KCNG2: variants seen among roughly 807,000 people sequenced by gnomAD.
KCNG2 encodes the protein potassium voltage-gated channel modifier subfamily G member 2.
A neutral mutation model predicts 12.3 loss-of-function variants in KCNG2; 7 were observed. The ratio of observed to expected loss-of-function variants is 0.57; its 90% CI spans 0.32 to 1.07. KCNG2 has a LOEUF of 1.07. Among genes scored for constraint, KCNG2 ranks in the 50% least tolerant of loss-of-function variants. KCNG2 has a pLI of 0.04. For synonymous variants in KCNG2, 414 were observed against 351.4 expected (o/e 1.18, Z -1.99); for missense variants, 703 against 726.0 (o/e 0.97, Z 0.36).
At chr18:79,866,290 G>A (rs1383813855) in intron 3 of KCNG2, among the ~76,000 whole-genome samples, 34 of 138,468 alleles carry the variant, frequency 2.5e-4, no homozygotes, top group African/African-American at 6.0e-4. Flanking sequence ...GTGATGAGAG[G>A]TCTGTGTGCT....
intron 1 of KCNG2, among the ~76,000 whole-genome samples, chr18:79,810,767 A>G (rs1489171481): frequency 1.3e-5 from 2 of 152,216 alleles, no homozygotes; most frequent in Admixed American, 6.5e-5. Context: ...CTGTATAAAA[A>G]GACAAAACAA....
At chr18:79,830,638 A>G (rs1322574593) in intron 1 of KCNG2, among the ~76,000 whole-genome samples, 1 of 152,230 alleles carries the variant, frequency 6.6e-6, no homozygotes, top group Non-Finnish European at 1.5e-5. Context: ...CTCCCGAGTG[A>G]TGAGACCCCC....
chr18:79,863,213 G>A (rs1006220410), intron 2 of KCNG2, among the ~76,000 whole-genome samples: 2 of 152,220 alleles, frequency 1.3e-5, no homozygotes, highest in African/African-American at 2.4e-5. Flanking sequence ...GCTGGTCCGC[G>A]GGACACACCG....
intron 3 of KCNG2, among the ~76,000 whole-genome samples, chr18:79,868,118 G>T (rs565197085): frequency 4.6e-5 from 7 of 152,304 alleles, no homozygotes; most frequent in African/African-American, 1.7e-4. Context: ...AAATTCATTT[G>T]TGTCACGTTA....
chr18:79,830,705 C>T (rs667802), intron 1 of KCNG2, among the ~76,000 whole-genome samples: 85,918 of 124,278 alleles, frequency 0.69, 29,063 homozygotes, highest in East Asian at 0.87. Flanking sequence ...ACAGAGCCTT[C>T]GTCAGGAGGG....
intron 3 of KCNG2, among the ~76,000 whole-genome samples, chr18:79,867,847 C>T (rs571302453): frequency 6.6e-6 from 1 of 152,242 alleles, no homozygotes; most frequent in South Asian, 2.1e-4. Flanking sequence ...GGGCAGAGCA[C>T]CCACCGTCAG....
At chr18:79,807,462 C>T (rs1390032498) in intron 1 of KCNG2, among the ~76,000 whole-genome samples, 1 of 152,206 alleles carries the variant, frequency 6.6e-6, no homozygotes, top group African/African-American at 2.4e-5. Context: ...CTCAGCGGCG[C>T]GGACTGCTCT....
At chr18:79,841,776 C>A (rs986403941) in intron 1 of KCNG2, among the ~76,000 whole-genome samples, 1 of 152,160 alleles carries the variant, frequency 6.6e-6, no homozygotes, top group South Asian at 2.1e-4. Context: ...ACCATCCACA[C>A]ACAAAAATAC....
At chr18:79,852,940 C>A (rs1303778352) in intron 1 of KCNG2, among the ~76,000 whole-genome samples, 1 of 152,250 alleles carries the variant, frequency 6.6e-6, no homozygotes, top group East Asian at 1.9e-4. Context: ...TTTGGGGGTA[C>A]CTGTGTCAGT....
At chr18:79,861,271 CTCTTT>C (rs1184301562) in intron 2 of KCNG2, among the ~76,000 whole-genome samples, 1 of 119,250 alleles carries the variant, frequency 8.4e-6, no homozygotes, top group African/African-American at 2.9e-5. Context: ...TTCTCTCTCT[CTCTTT>C]TTTTTTTTTT....
intron 3 of KCNG2, among the ~76,000 whole-genome samples, chr18:79,889,620 T>C (rs1253495725): frequency 1.3e-5 from 2 of 152,250 alleles, no homozygotes; most frequent in Non-Finnish European, 2.9e-5. Flanking sequence ...CTAGTTTGAA[T>C]GGACGTTTTT....
intron 3 of KCNG2, among the ~76,000 whole-genome samples, chr18:79,870,232 G>A (rs994863794): frequency 5.9e-5 from 9 of 152,248 alleles, no homozygotes; most frequent in Admixed American, 1.3e-4. Context: ...ACGGGATCAC[G>A]AGCTTCAGCT....
At chr18:79,801,514 G>A (rs1484189670) in intron 1 of KCNG2, among the ~76,000 whole-genome samples, 5 of 152,238 alleles carry the variant, frequency 3.3e-5, no homozygotes, top group East Asian at 1.9e-4. Context: ...TGCTGGGCCC[G>A]GGAGCCCTCC....
chr18:79,892,971 T>C (rs1277609468), intron 3 of KCNG2, among the ~76,000 whole-genome samples: 1 of 152,158 alleles, frequency 6.6e-6, no homozygotes, highest in African/African-American at 2.4e-5. Context: ...ACGATTGATA[T>C]AGTTGGGTCT....
chr18:79,877,063 T>G (rs762037441), intron 3 of KCNG2, among the ~76,000 whole-genome samples: 6 of 152,266 alleles, frequency 3.9e-5, no homozygotes, highest in Non-Finnish European at 5.9e-5. Context: ...AGGCCTGTTG[T>G]GCTGTTTTGA....
At chr18:79,878,855 C>T (rs1980183958) in intron 3 of KCNG2, among the ~76,000 whole-genome samples, 2 of 152,220 alleles carry the variant, frequency 1.3e-5, no homozygotes, top group African/African-American at 2.4e-5. Context: ...TGGAAGGTGA[C>T]GGCTGTGTTG....
rs181051249 is a variant in KCNG2, at chr18:79,840,178, C to T, written c.-114-16201C>T. Among the ~76,000 whole-genome samples, 108 of 152,170 alleles carry T rather than the reference C, an allele frequency of 7.1e-4. 1 individual carries two copies. Among genetic ancestry groups the T allele is most frequent in the African/African-American group, 2.4e-3 (98 of 41,510 alleles). Reference sequence around the variant, plus strand: ...AGTTATAAAGGAAGAAATAAGACTGCCCCATTTGCAAATTACATGATTGTA... The same window carrying T: ...AGTTATAAAGGAAGAAATAAGACTGTCCCATTTGCAAATTACATGATTGTA... On this transcript the variant is annotated intron_variant, in intron 1 of 3. Transcript: ENST00000316249.
chr18:79,851,617 AGTGT>A (rs56055150), intron 1 of KCNG2, among the ~76,000 whole-genome samples: 45,498 of 151,612 alleles, frequency 0.3, 7,721 homozygotes, highest in South Asian at 0.52. Flanking sequence ...GGTGTGTGAG[AGTGT>A]GTGTGTATGT....
At chr18:79,831,624 T>G (rs12968303) in intron 1 of KCNG2, among the ~76,000 whole-genome samples, 19,620 of 27,998 alleles carry the variant, frequency 0.7, 7,454 homozygotes, top group East Asian at 0.89. Flanking sequence ...GTGCCCTGCG[T>G]ACAGAGCCTT....
Sources: allele counts gnomAD v4.1 joint callset (sites outside exome capture counted in the v4.1 genomes callset), GRCh38; gene constraint gnomAD v4.1.1; transcripts MANE v1.5; gene names NCBI Gene and HGNC (gene_info 2026-07-23, HGNC 2026-07-21).